Variants in UBA1 observed in about 807,000 individuals in gnomAD.
The protein encoded by UBA1 is ubiquitin like modifier activating enzyme 1, also known as ubiquitin-like modifier-activating enzyme 1.
Under a neutral mutation model 84.7 loss-of-function variants are expected in UBA1, and 4 were observed. That is an observed-to-expected ratio of 0.05 (90% CI 0.02 to 0.11). UBA1 has a LOEUF of 0.11. UBA1 is among the 10% of genes least tolerant of loss of function. The pLI, the probability that UBA1 is intolerant of heterozygous loss-of-function variation, is 1.00. For missense variants in UBA1, 513 were observed against 902.8 expected, an observed-to-expected ratio of 0.57 and a Z score of 5.53; for synonymous variants, 364 against 362.6, an observed-to-expected ratio of 1.00 and a Z score of -0.04.
chrX:47,208,415 C>T (rs1413926527), intron 16 of UBA1: 5 of 112,237 alleles, frequency 4.5e-5, no homozygotes, highest in African/African-American at 1.6e-4. Context: ...CCACCTGCCT[C>T]AGCCTCCAAA....
chrX:47,211,346 C>A, intron 20 of UBA1, 121 bp downstream of exon 20: 1 of 803,643 alleles, frequency 1.2e-6, no homozygotes, highest in Non-Finnish European at 1.8e-6. Flanking sequence ...CTGAGGTTTA[C>A]CCACACCTTC....
At chrX:47,197,864 TGGG>T in intron 1 of UBA1, 1 of 606,174 alleles carries the variant, frequency 1.6e-6, no homozygotes. Flanking sequence ...ACTTTAAAGT[TGGG>T]GGTATTATTG....
rs139130383 is a variant in UBA1, at chrX:47,202,481, C to T, written c.1033C>T (p.Arg345Trp). ...ALHQFCAQHG[R>W]PPRPRNEEDA... ...GCACCAGTTCTGTGCTCAGCATGGCCGGCCACCTCGGCCCCGCAATGAGGT... is the reference window on the plus strand; with the variant it reads ...GCACCAGTTCTGTGCTCAGCATGGCTGGCCACCTCGGCCCCGCAATGAGGT... The change falls in exon 10 of 26, where the codon CGG becomes TGG. Residue 345 changes from arginine to tryptophan, a missense_variant. By Grantham distance (101) the Arg-to-Trp change is moderately radical (BLOSUM62 -3). Around this residue, in one of 6 missense-constraint regions of UBA1, gnomAD observed 227 missense variants for 339.1 expected, o/e 0.67. Transcript: ENST00000335972. 2.4e-5 allele frequency: 29 copies of T among 1,199,940 alleles called. No homozygotes were observed. Among genetic ancestry groups the T allele is most frequent in the African/African-American group, 8.7e-5 (5 of 57,192 alleles).
chrX:47,214,191 C>A, intron 23 of UBA1, 136 bp from the exon 24 acceptor site: 1 of 558,066 alleles, frequency 1.8e-6, no homozygotes. Flanking sequence ...GAGATAGGAA[C>A]CACAAGAGGA....
In UBA1 at chrX:47,210,030, C is replaced by G. The variant is rs1936856451; in HGVS notation, c.2106C>G (p.Thr702=). The G allele has an allele frequency of 1.6e-6, 2 of 1,212,199 alleles. No individual in the cohort carries two copies. Among genetic ancestry groups the G allele is most frequent in the Non-Finnish European group, 2.2e-6 (2 of 895,584 alleles). The change falls in exon 18 of 26, where the codon ACC becomes ACG. Residue 702 remains threonine (T), a synonymous_variant. Transcript: ENST00000335972. ...GCCTGGTGCTGCAGCGACCACAGAC[C>G]TGGGCTGACTGCGTGACCTGGGCCT... is the stretch of plus-strand genomic sequence containing the variant. ...QRSLVLQRPQ[T]WADCVTWACH... is the part of the protein sequence containing the mutation.
At chrX:47,203,851 C>T (rs186090418) in intron 14 of UBA1, among the ~76,000 whole-genome samples, 155 bp downstream of exon 14, 1 of 105,837 alleles carries the variant, frequency 9.4e-6, no homozygotes, top group Non-Finnish European at 1.9e-5. Context: ...TGGGTTCAAG[C>T]GATTCTCCTG....
rs1556786831 is a variant in UBA1 at position 47,199,486 on chromosome X, C to T, written c.352C>T (p.Leu118=). The change falls in exon 5 of 26, where the codon CTG becomes TTG. Residue 118 remains leucine, a synonymous_variant. Transcript: ENST00000335972. The part of the protein sequence containing the change: ...QWADLSSQFY[L]REEDIGKNRA... Reference sequence around the variant, plus strand: ...CTACTGCACACCCTTACAGTTCTACCTGCGGGAGGAGGACATCGGTAAAAA... The same window carrying T: ...CTACTGCACACCCTTACAGTTCTACTTGCGGGAGGAGGACATCGGTAAAAA... The T allele has an allele frequency of 1.7e-6, 2 of 1,211,897 alleles. No homozygotes were observed. The highest frequency in any genetic ancestry group is 2.2e-6 in the Non-Finnish European group (2 of 895,551).
intron 1 of UBA1, chrX:47,197,093 G>A (rs1362756905): frequency 4.0e-6 from 3 of 753,136 alleles, no homozygotes; most frequent in Non-Finnish European, 3.1e-6. Flanking sequence ...CAAGCCTCTT[G>A]CTACCCAGGT....
At chrX:47,212,953 TTAAC>T in intron 22 of UBA1, 33 bp from the exon 23 acceptor site, 1 of 1,211,313 alleles carries the variant, frequency 8.3e-7, no homozygotes, top group Non-Finnish European at 1.1e-6. Flanking sequence ...GCTCTTGTAC[TTAAC>T]TACCACCTTC....
In UBA1 at chrX:47,213,160, C is replaced by T; in HGVS notation, c.2817C>T (p.Pro939=). The change falls in exon 23 of 26, where the codon CCC becomes CCT. Residue 939 remains proline (P), a synonymous_variant. Coordinates refer to ENST00000335972, the MANE Select transcript of UBA1 (RefSeq NM_003334.4). ...TGCCTTTCTTTGGTTTCTCTGAACC[C>T]CTTGCCGCACCACGTCACCAGGTGG... is the stretch of plus-strand genomic sequence containing the variant. ...LALPFFGFSE[P]LAAPRHQYYN... 1 of 1,211,135 alleles carries T rather than the reference C, an allele frequency of 8.3e-7. No individual in the cohort carries two copies. The highest frequency in any genetic ancestry group is 3.0e-5 in the East Asian group (1 of 33,846).
chrX:47,199,078 A>G lies in UBA1; in HGVS notation c.148A>G (p.Ile50Val). The G allele has an allele frequency of 1.6e-6, 2 of 1,212,521 alleles. No individual in the cohort carries two copies. The highest frequency in any genetic ancestry group is 3.0e-5 in the East Asian group (1 of 33,875). Residue 50 changes from isoleucine to valine, a missense_variant, in exon 3 of 26, where the codon ATA becomes GTA. Physicochemically the swap from Ile to Val is conservative, Grantham distance 29. This residue lies in a region of UBA1 where 2 missense variants were observed against 17.3 expected (regional missense o/e 0.12). Transcript: ENST00000335972. ...GGCCAAGAACGGCAGTGAAGCAGAC[A>G]TAGACGAGGGCCTTTACTCCCGGCA... The part of the protein sequence containing the change: ...GMAKNGSEAD[I>V]DEGLYSRQLY...
chrX:47,192,101 A>G (rs1052113429), upstream of UBA1, among the ~76,000 whole-genome samples: 27 of 112,020 alleles, frequency 2.4e-4, no homozygotes, highest in African/African-American at 7.1e-4. Flanking sequence ...GAGGTAGGTC[A>G]TTATTACCCC....
chrX:47,211,768 T>C (rs1439265037), intron 20 of UBA1, among the ~76,000 whole-genome samples: 3 of 107,148 alleles, frequency 2.8e-5, no homozygotes, highest in African/African-American at 1.0e-4. Flanking sequence ...ACCTTCCTTA[T>C]ATCTCCCCCG....
chrX:47,211,773 C>T (rs1236140551), intron 20 of UBA1, among the ~76,000 whole-genome samples: 1 of 106,613 alleles, frequency 9.4e-6, no homozygotes, highest in Non-Finnish European at 1.9e-5. Flanking sequence ...CCTTATATCT[C>T]CCCCGTCTTC....
At chrX:47,191,455 G>T (rs1556784271), upstream of UBA1, 1 of 111,504 alleles carries the variant, frequency 9.0e-6, no homozygotes, top group Non-Finnish European at 1.9e-5. Context: ...CGGGGGCCCA[G>T]ATGTTTCTAG....
In UBA1 at chrX:47,214,863, G is replaced by A; in HGVS notation, c.3111G>A (p.Glu1037=). ...GCCACGTGCGGGCGCTGGTGCTTGA[G>A]CTGTGCTGTAACGACGAGAGCGGCG... ...LGRHVRALVL[E]LCCNDESGED... Residue 1037 remains glutamate, a synonymous_variant, in exon 26 of 26, where the codon GAG becomes GAA. Coordinates refer to ENST00000335972, the MANE Select transcript of UBA1 (RefSeq NM_003334.4). 8.3e-7 allele frequency: 1 copy of A among 1,212,047 alleles called. No individual in the cohort carries two copies. The highest frequency in any genetic ancestry group is 1.1e-6 in the Non-Finnish European group (1 of 895,642).
At chrX:47,194,061 C>T (rs904551711) in intron 1 of UBA1, 37 bp downstream of exon 1, 2 of 112,141 alleles carry the variant, frequency 1.8e-5, no homozygotes, top group African/African-American at 6.5e-5. Context: ...TCGCCCTGGG[C>T]AGGGGTTTCG....
chrX:47,209,137 CCA>C (rs1556792458), intron 16 of UBA1: 1 of 254,522 alleles, frequency 3.9e-6, no homozygotes, highest in African/African-American at 2.8e-5. Flanking sequence ...ACTATTGTAA[CCA>C]CTGCCCAAAT....
chrX:47,197,615 C>T, intron 1 of UBA1: 1 of 754,674 alleles, frequency 1.3e-6, no homozygotes, highest in Non-Finnish European at 1.6e-6. Context: ...ATTTCACTTC[C>T]ACAGCAGGCT....
Sources: gnomAD v4.1 joint callset for allele counts (sites outside exome capture counted in the v4.1 genomes callset) on GRCh38, gnomAD v4.1.1 for gene constraint, gnomAD v4.1.1 regional missense constraint, MANE v1.5 for transcripts, NCBI Gene and HGNC (gene_info 2026-07-23, HGNC 2026-07-21) for gene names.